The following CFAP54 variants were observed in gnomAD, a reference collection of about 807,000 sequenced individuals.
CFAP54 encodes cilia- and flagella-associated protein 54.
CFAP54 carries 290 observed loss-of-function variants against 370.4 expected under a neutral mutation model. The ratio of observed to expected loss-of-function variants is 0.78; its 90% CI spans 0.71 to 0.86. The LOEUF is 0.86. CFAP54 is among the 40% of genes least tolerant of loss of function. CFAP54 has a pLI of 0.00. For synonymous variants in CFAP54, 1,206 were observed against 1,236.5 expected (o/e 0.98, Z 0.52); for missense variants, 3,399 against 3,528.7 (o/e 0.96, Z 0.93).
At chr12:96,729,536 C>T (rs948348312) in intron 50 of CFAP54, among the ~76,000 whole-genome samples, 5 of 152,220 alleles carry the variant, frequency 3.3e-5, no homozygotes, top group South Asian at 4.1e-4. Context: ...CTAAGCCCAT[C>T]GGAAAAGCTC....
intron 32 of CFAP54, among the ~76,000 whole-genome samples, chr12:96,640,616 A>C (rs1956715726): frequency 1.3e-5 from 2 of 152,228 alleles, no homozygotes; most frequent in South Asian, 4.1e-4. Flanking sequence ...CTGCATTGCC[A>C]AGTCAATCCT....
chr12:96,496,708 G>A (rs1954958777), intron 1 of CFAP54, among the ~76,000 whole-genome samples: 1 of 152,140 alleles, frequency 6.6e-6, no homozygotes, highest in South Asian at 2.1e-4. Context: ...GGCAGTGGGG[G>A]AGGGGTCACA....
chr12:96,753,159 T>C (rs1392839739), intron 55 of CFAP54, among the ~76,000 whole-genome samples: 2 of 152,210 alleles, frequency 1.3e-5, no homozygotes, highest in Non-Finnish European at 2.9e-5. Context: ...GTCACACAGA[T>C]AAAGTCTAAT....
intron 60 of CFAP54, among the ~76,000 whole-genome samples, chr12:96,776,706 T>A (rs1958521336): frequency 6.6e-6 from 1 of 152,230 alleles, no homozygotes; most frequent in Non-Finnish European, 1.5e-5. Context: ...AAGTAGAATC[T>A]GAAATTATAT....
chr12:96,709,273 ACC>A (rs1331245685), intron 48 of CFAP54, among the ~76,000 whole-genome samples: 2 of 152,174 alleles, frequency 1.3e-5, no homozygotes, highest in Non-Finnish European at 2.9e-5. Flanking sequence ...AGAAATGTGT[ACC>A]TCCACTCGTG....
chr12:96,698,593 C>A (rs1957459421), intron 45 of CFAP54, among the ~76,000 whole-genome samples: 1 of 152,104 alleles, frequency 6.6e-6, no homozygotes, highest in African/African-American at 2.4e-5. Context: ...AACCAAATAC[C>A]ACATGTTCTC....
At chr12:96,699,340 C>T (rs1440263146) in intron 45 of CFAP54, among the ~76,000 whole-genome samples, 6 of 152,112 alleles carry the variant, frequency 3.9e-5, no homozygotes, top group Admixed American at 2.0e-4. Flanking sequence ...AGGAAGTTCG[C>T]GTGAGACAGC....
intron 39 of CFAP54, among the ~76,000 whole-genome samples, chr12:96,669,055 A>G (rs544495926): frequency 5.9e-5 from 9 of 152,318 alleles, no homozygotes; most frequent in African/African-American, 2.2e-4. Flanking sequence ...CAGAGATTAT[A>G]GTATAGAGTG....
chr12:96,842,657 A>C (rs951084857), intron 66 of CFAP54, among the ~76,000 whole-genome samples: 34 of 152,194 alleles, frequency 2.2e-4, no homozygotes, highest in African/African-American at 8.0e-4. Context: ...TCATTAGCCC[A>C]AAGTGCTTTG....
intron 46 of CFAP54, among the ~76,000 whole-genome samples, chr12:96,704,240 A>G (rs1957521295): frequency 6.6e-6 from 1 of 151,700 alleles, no homozygotes; most frequent in South Asian, 2.1e-4. Context: ...ATCCTGGCTA[A>G]CACGGTGAAA....
At chr12:96,501,072 A>C in intron 2 of CFAP54, 133 bp downstream of exon 2, 1 of 536,742 alleles carries the variant, frequency 1.9e-6, no homozygotes, top group South Asian at 3.1e-5. Context: ...AGTACATAAA[A>C]ATTTTAATAA....
intron 50 of CFAP54, among the ~76,000 whole-genome samples, chr12:96,722,698 A>G (rs1052309264): frequency 1.3e-5 from 2 of 152,182 alleles, no homozygotes. Flanking sequence ...AGGGTGTGAA[A>G]GCAAGGAGAT....
At chr12:96,675,752 G>A (rs1477744710) in intron 39 of CFAP54, among the ~76,000 whole-genome samples, 1 of 152,078 alleles carries the variant, frequency 6.6e-6, no homozygotes, top group Non-Finnish European at 1.5e-5. Flanking sequence ...GGAATACTAT[G>A]CAGCCATAAA....
chr12:96,606,834 C>A (rs1295596002), intron 26 of CFAP54, among the ~76,000 whole-genome samples: 2 of 152,180 alleles, frequency 1.3e-5, no homozygotes, highest in African/African-American at 4.8e-5. Flanking sequence ...CAAAGACCAG[C>A]ATTGTGTGGT....
chr12:96,863,834 T>C (rs538562416), intron 67 of CFAP54, among the ~76,000 whole-genome samples: 43 of 152,290 alleles, frequency 2.8e-4, no homozygotes, highest in Non-Finnish European at 5.6e-4. Flanking sequence ...CACTTTCAGT[T>C]CTTACAGATG....
At chr12:96,683,851 G>T (rs911668877) in intron 40 of CFAP54, among the ~76,000 whole-genome samples, 2 of 146,960 alleles carry the variant, frequency 1.4e-5, no homozygotes, top group African/African-American at 4.9e-5. Context: ...GAGTACAGTG[G>T]CACGATCTTG....
chr12:96,804,121 A>G (rs1347762287), intron 63 of CFAP54, among the ~76,000 whole-genome samples: 4 of 152,156 alleles, frequency 2.6e-5, no homozygotes, highest in African/African-American at 9.6e-5. Context: ...GTGACACACT[A>G]GAGCAAGCAG....
chr12:96,732,099 GGT>G (rs1376797373), intron 50 of CFAP54, among the ~76,000 whole-genome samples: 1 of 146,572 alleles, frequency 6.8e-6, no homozygotes, highest in Non-Finnish European at 1.5e-5. Flanking sequence ...GTTAAGTAGG[GGT>G]GTGTGTGTTT....
rs539520981 is a variant in CFAP54 at position 96,698,786 on chromosome 12, A to G, written c.6352-1185A>G. Reference sequence around the variant, plus strand: ...AGTTGTTCAGGTTCTTGGCGTTTTGAACAAAGAACTGGACAAAACGCCCAG... The same window carrying G: ...AGTTGTTCAGGTTCTTGGCGTTTTGGACAAAGAACTGGACAAAACGCCCAG... On this transcript the variant is annotated intron_variant, in intron 45 of 67. Transcript: ENST00000524981. Among the ~76,000 whole-genome samples, 3 of 152,288 alleles carry G rather than the reference A, an allele frequency of 2.0e-5. No individual in the cohort carries two copies. The East Asian group carries it at 5.8e-4, about 29-fold the overall frequency.
Sources: allele counts gnomAD v4.1 joint callset (sites outside exome capture counted in the v4.1 genomes callset), GRCh38; gene constraint gnomAD v4.1.1; transcripts MANE v1.5; gene names NCBI Gene and HGNC (gene_info 2026-07-23, HGNC 2026-07-21).